CHD9: variants seen among roughly 807,000 people sequenced by gnomAD.
CHD9 encodes ATP-dependent chromatin remodeler CHD9.
CHD9 carries 77 observed loss-of-function variants against 316.1 expected under a neutral mutation model. That is an observed-to-expected ratio of 0.24 (90% CI 0.20 to 0.29). The LOEUF is 0.29. Among genes scored for constraint, CHD9 ranks in the 10% least tolerant of loss-of-function variants. CHD9 has a pLI of 1.00. For missense variants in CHD9, 2,763 were observed against 3,438.1 expected (o/e 0.80, Z 4.91); for synonymous variants, 1,129 against 1,158.3 (o/e 0.97, Z 0.51).
chr16:53,073,770 A>G (rs565913461), intron 1 of CHD9, among the ~76,000 whole-genome samples: 7 of 152,348 alleles, frequency 4.6e-5, no homozygotes, highest in South Asian at 4.1e-4. Flanking sequence ...GCCTCCCACC[A>G]TAATTCTGAG....
At chr16:53,176,583 AG>A (rs1472463393) in intron 2 of CHD9, among the ~76,000 whole-genome samples, 1 of 152,224 alleles carries the variant, frequency 6.6e-6, no homozygotes, top group East Asian at 1.9e-4. Context: ...AAAATTAACA[AG>A]GGACTGATTT....
At chr16:53,269,217 T>G (rs965945717) in intron 22 of CHD9, among the ~76,000 whole-genome samples, 2 of 152,198 alleles carry the variant, frequency 1.3e-5, no homozygotes, top group African/African-American at 4.8e-5. Flanking sequence ...AACAGAACAT[T>G]CTTTTTTGCA....
chr16:53,183,539 C>T (rs1227315123), intron 2 of CHD9, among the ~76,000 whole-genome samples: 1 of 152,164 alleles, frequency 6.6e-6, no homozygotes, highest in Non-Finnish European at 1.5e-5. Flanking sequence ...TTTATTTTCT[C>T]TGTCTTAAAA....
intron 38 of CHD9, among the ~76,000 whole-genome samples, chr16:53,323,038 T>C (rs934486055): frequency 3.3e-5 from 5 of 152,186 alleles, no homozygotes; most frequent in African/African-American, 7.2e-5. Context: ...CTTAAACCAC[T>C]ATCTAGAACT....
chr16:53,219,800 C>T (rs922548145), intron 3 of CHD9, among the ~76,000 whole-genome samples: 1 of 152,118 alleles, frequency 6.6e-6, no homozygotes, highest in African/African-American at 2.4e-5. Flanking sequence ...TCAATTTCTT[C>T]TTATAAAATA....
At chr16:53,238,673 A>G (rs2048830845) in intron 12 of CHD9, 87 bp downstream of exon 12, 1 of 1,309,946 alleles carries the variant, frequency 7.6e-7, no homozygotes, top group African/African-American at 1.5e-5. Flanking sequence ...CAAATTTAGG[A>G]TACATTTTAA....
intron 37 of CHD9, chr16:53,319,698 G>C: frequency 2.6e-6 from 1 of 383,862 alleles, no homozygotes. Context: ...TTTACCTGTT[G>C]GGTTTGATAT....
intron 1 of CHD9, among the ~76,000 whole-genome samples, chr16:53,120,875 G>T (rs972798670): frequency 2.2e-4 from 34 of 151,844 alleles, no homozygotes; most frequent in Non-Finnish European, 7.4e-5. Flanking sequence ...GTGTGGTGGT[G>T]CACGCCTGTA....
At chr16:53,224,705 A>G (rs1194996566) in intron 4 of CHD9, among the ~76,000 whole-genome samples, 1 of 152,206 alleles carries the variant, frequency 6.6e-6, no homozygotes, top group Non-Finnish European at 1.5e-5. Flanking sequence ...CATTACTTAA[A>G]AGTCATGCCT....
At chr16:53,226,274 A>G (rs1416119589) in intron 4 of CHD9, 92 bp from the exon 5 acceptor site, 1 of 762,102 alleles carries the variant, frequency 1.3e-6, no homozygotes, top group Non-Finnish European at 2.0e-6. Context: ...TGAAAATTTA[A>G]TATACAAAAT....
rs367677567 is a variant in CHD9, at chr16:53,139,957, A to G, written c.-164-15969A>G. The stretch of plus-strand genomic sequence containing the variant: ...TACAAAAAAATACAAAAATTAGCCA[A>G]GTGTGGTGGTGCATACCTGTAGTTC... On this transcript the variant is annotated intron_variant, in intron 1 of 38. Coordinates refer to ENST00000447540, the MANE Select transcript of CHD9 (RefSeq NM_001308319.2). Among the ~76,000 whole-genome samples, 16 of 150,344 alleles carry G rather than the reference A, an allele frequency of 1.1e-4. No homozygotes were observed. The East Asian group carries it at 2.2e-3, about 21-fold the overall frequency.
chr16:53,185,475 T>C (rs2043908593), intron 2 of CHD9, among the ~76,000 whole-genome samples: 1 of 152,104 alleles, frequency 6.6e-6, no homozygotes. Context: ...AAGCAGAGCA[T>C]AAAATTTTGG....
intron 1 of CHD9, among the ~76,000 whole-genome samples, chr16:53,105,789 G>A (rs925962448): frequency 6.6e-6 from 1 of 150,472 alleles, no homozygotes; most frequent in African/African-American, 2.4e-5. Flanking sequence ...TTTCACTGGT[G>A]ATAACTGTCT....
rs939032580 is a variant in CHD9 at position 53,155,935 on chromosome 16, A to C, written c.-155A>C. On this transcript the variant is annotated 5_prime_UTR_variant, in exon 2 of 39. Coordinates refer to ENST00000447540, the MANE Select transcript of CHD9 (RefSeq NM_001308319.2). ...GTTCCTTTTTTTCTAGGATTTTGAC[A>C]CTTCATGACATGTCATTATTTAGAG... 4 of 654,272 alleles carry C rather than the reference A, an allele frequency of 6.1e-6. No homozygotes were observed. Among genetic ancestry groups the C allele is most frequent in the Non-Finnish European group, 1.0e-5 (4 of 400,466 alleles). The allele number at this position is 654,272 out of a possible 1,614,324, so 40.5% of individuals were successfully genotyped here.
In CHD9 at chr16:53,323,883, A is replaced by G. The variant is rs2057423064; in HGVS notation, c.7819-137A>G. ...TATATAAAATTAGGTTATTGCTATT[A>G]TAATTGATTATTTAATATCAGTACA... On this transcript the variant is annotated intron_variant, in intron 38 of 38. Transcript: ENST00000447540. 9.9e-6 allele frequency: 7 copies of G among 707,188 alleles called. No homozygotes were observed. In the East Asian group the frequency reaches 1.9e-4, roughly 20 times the overall value. The allele number at this position is 707,188 out of a possible 1,614,324, so 43.8% of individuals were successfully genotyped here. A position where few individuals can be genotyped will look rare whatever the true frequency, so the allele number is the denominator to read the frequency against.
intron 1 of CHD9, among the ~76,000 whole-genome samples, chr16:53,065,362 G>A (rs560553615): frequency 5.3e-5 from 8 of 151,650 alleles, no homozygotes; most frequent in African/African-American, 9.7e-5. Flanking sequence ...GGCCCTGTGC[G>A]GTGGCTCATG....
At chr16:53,137,473 A>G (rs1218213634) in intron 1 of CHD9, among the ~76,000 whole-genome samples, 2 of 152,160 alleles carry the variant, frequency 1.3e-5, no homozygotes, top group Non-Finnish European at 2.9e-5. Context: ...AGAAATATGT[A>G]TGTTCAACTT....
intron 30 of CHD9, among the ~76,000 whole-genome samples, chr16:53,300,930 A>G (rs112190931): frequency 0.31 from 47,263 of 152,094 alleles, 7,503 homozygotes; most frequent in Middle Eastern, 0.38. Context: ...AAAATTAGCC[A>G]GGCATGGTGG....
chr16:53,246,865 G>C (rs1236406726), intron 15 of CHD9, among the ~76,000 whole-genome samples: 1 of 152,062 alleles, frequency 6.6e-6, no homozygotes, highest in Admixed American at 6.6e-5. Context: ...CTAACAAGAT[G>C]CCCATAGACA....
Sources: allele counts gnomAD v4.1 joint callset (sites outside exome capture counted in the v4.1 genomes callset), GRCh38; gene constraint gnomAD v4.1.1; transcripts MANE v1.5; gene names NCBI Gene and HGNC (gene_info 2026-07-23, HGNC 2026-07-21).